The following LRRC4C variants were observed in gnomAD, a reference collection of about 807,000 sequenced individuals.
The protein encoded by LRRC4C is leucine-rich repeat-containing protein 4C.
Under a neutral mutation model 33.6 loss-of-function variants are expected in LRRC4C, and 5 were observed. The ratio of observed to expected loss-of-function variants is 0.15; its 90% CI spans 0.08 to 0.31. The LOEUF (loss-of-function observed/expected upper bound fraction) is 0.31. Ranked by LOEUF, LRRC4C falls within the 10% of genes least tolerant of loss-of-function variation. The pLI, the probability that LRRC4C is intolerant of heterozygous loss-of-function variation, is 1.00. For missense variants in LRRC4C, 560 were observed against 796.7 expected (o/e 0.70, Z 3.58); for synonymous variants, 329 against 302.0 (o/e 1.09, Z -0.93).
chr11:40,657,174 C>T (rs990847949), intron 2 of LRRC4C, among the ~76,000 whole-genome samples: 1 of 152,106 alleles, frequency 6.6e-6, no homozygotes, highest in African/African-American at 2.4e-5. Context: ...CAAGGTATGG[C>T]CAAGACTACA....
At chr11:40,510,182 C>A (rs926901242) in intron 3 of LRRC4C, among the ~76,000 whole-genome samples, 4 of 148,840 alleles carry the variant, frequency 2.7e-5, no homozygotes, top group Non-Finnish European at 5.9e-5. Context: ...ATTTATATAT[C>A]ATATCTATGT....
intron 1 of LRRC4C, among the ~76,000 whole-genome samples, chr11:41,112,042 G>A (rs1025107314): frequency 6.6e-6 from 1 of 151,990 alleles, no homozygotes; most frequent in African/African-American, 2.4e-5. Context: ...TATTATCTCT[G>A]TCTATATCCA....
At chr11:41,003,272 G>A (rs1854510388) in intron 1 of LRRC4C, among the ~76,000 whole-genome samples, 1 of 151,944 alleles carries the variant, frequency 6.6e-6, no homozygotes, top group Non-Finnish European at 1.5e-5. Flanking sequence ...TTTAATGAAA[G>A]CAAAAATGTC....
intron 3 of LRRC4C, among the ~76,000 whole-genome samples, chr11:40,624,087 T>C (rs1309487868): frequency 6.6e-6 from 1 of 152,120 alleles, no homozygotes; most frequent in East Asian, 1.9e-4. Context: ...TGTAAGCTCA[T>C]TCATTCAAAA....
chr11:40,735,365 T>C (rs1312229106), intron 2 of LRRC4C, among the ~76,000 whole-genome samples: 4 of 144,428 alleles, frequency 2.8e-5, no homozygotes, highest in African/African-American at 1.0e-4. Context: ...CCTGTGTCCA[T>C]GTGTTCTCAT....
intron 3 of LRRC4C, among the ~76,000 whole-genome samples, chr11:40,599,334 C>T (rs572883327): frequency 6.6e-6 from 1 of 151,964 alleles, no homozygotes; most frequent in Non-Finnish European, 1.5e-5. Context: ...ATCTGTAGTC[C>T]CAACTACTCG....
intron 1 of LRRC4C, among the ~76,000 whole-genome samples, chr11:40,966,259 C>T (rs541115415): frequency 3.9e-5 from 6 of 152,026 alleles, no homozygotes; most frequent in African/African-American, 1.4e-4. Flanking sequence ...ACATTTGCAT[C>T]TTTACATTTT....
chr11:40,409,815 G>T (rs1300713825), intron 3 of LRRC4C, among the ~76,000 whole-genome samples: 3 of 152,016 alleles, frequency 2.0e-5, no homozygotes, highest in East Asian at 3.9e-4. Flanking sequence ...TATGGGAAAT[G>T]ATATGGAGGT....
chr11:40,194,806 C>T (rs187027514), intron 5 of LRRC4C, among the ~76,000 whole-genome samples: 2 of 152,150 alleles, frequency 1.3e-5, no homozygotes, highest in South Asian at 2.1e-4. Context: ...AAGACGACTG[C>T]GGCCGGGCAT....
intron 1 of LRRC4C, among the ~76,000 whole-genome samples, chr11:41,005,569 A>G (rs1411869011): frequency 2.6e-5 from 4 of 152,088 alleles, no homozygotes; most frequent in Non-Finnish European, 4.4e-5. Flanking sequence ...ATGCCACTGC[A>G]CTCCAGCCTG....
At chr11:40,718,340 C>A (rs1459124874) in intron 2 of LRRC4C, among the ~76,000 whole-genome samples, 5 of 152,138 alleles carry the variant, frequency 3.3e-5, no homozygotes, top group Admixed American at 2.6e-4. Flanking sequence ...CCTTCCAAAA[C>A]AAAAATTATC....
intron 3 of LRRC4C, among the ~76,000 whole-genome samples, chr11:40,532,760 A>G (rs16934913): frequency 0.086 from 13,107 of 151,792 alleles, 1,614 homozygotes; most frequent in African/African-American, 0.27. Flanking sequence ...CTAAAATATC[A>G]GCTGGTGTAT....
chr11:40,965,715 T>C (rs1181024187), intron 1 of LRRC4C, among the ~76,000 whole-genome samples: 2 of 152,140 alleles, frequency 1.3e-5, no homozygotes, highest in Non-Finnish European at 2.9e-5. Flanking sequence ...TCTGTTCTGT[T>C]CCATTGGTCT....
intron 1 of LRRC4C, among the ~76,000 whole-genome samples, chr11:41,323,328 C>T (rs774210182): frequency 3.3e-5 from 5 of 152,142 alleles, no homozygotes; most frequent in Non-Finnish European, 4.4e-5. Context: ...GTTCTCCAAT[C>T]TTTTCCAAGA....
intron 5 of LRRC4C, among the ~76,000 whole-genome samples, chr11:40,144,761 T>C (rs1348254914): frequency 6.6e-6 from 1 of 152,218 alleles, no homozygotes; most frequent in Non-Finnish European, 1.5e-5. Context: ...AGCCCTAATA[T>C]GTGATGAGTT....
chr11:40,764,524 G>T (rs1949361300), intron 2 of LRRC4C, among the ~76,000 whole-genome samples: 1 of 152,166 alleles, frequency 6.6e-6, no homozygotes, highest in African/African-American at 2.4e-5. Context: ...TCCACCTTTG[G>T]CTGGGGAGAG....
chr11:40,586,369 T>C (rs1958743804), intron 3 of LRRC4C, among the ~76,000 whole-genome samples: 1 of 147,834 alleles, frequency 6.8e-6, no homozygotes, highest in Non-Finnish European at 1.5e-5. Context: ...AGATTCTGGA[T>C]ATTAGCCCTT....
chr11:40,685,728 GATCAGTAC>G (rs1944919997), intron 2 of LRRC4C, among the ~76,000 whole-genome samples: 1 of 151,804 alleles, frequency 6.6e-6, no homozygotes, highest in Non-Finnish European at 1.5e-5. Flanking sequence ...GAGAGAACTT[GATCAGTAC>G]TGGCAGAACA....
chr11:40,727,321 A>G (rs1357086267), intron 2 of LRRC4C, among the ~76,000 whole-genome samples: 2 of 152,176 alleles, frequency 1.3e-5, no homozygotes, highest in East Asian at 3.9e-4. Flanking sequence ...TAGGGGAAGG[A>G]GTCCCTATTA....
Sources: gnomAD v4.1 joint callset for allele counts (sites outside exome capture counted in the v4.1 genomes callset) on GRCh38, gnomAD v4.1.1 for gene constraint, MANE v1.5 for transcripts, NCBI Gene and HGNC (gene_info 2026-07-23, HGNC 2026-07-21) for gene names.